IST1: variants seen among roughly 807,000 people sequenced by gnomAD.
The protein encoded by IST1 is IST1 factor associated with ESCRT-III.
A neutral mutation model predicts 37.0 loss-of-function variants in IST1; 23 were observed. The observed-to-expected ratio is 0.62, with a 90% CI of 0.45 to 0.88. IST1 has a LOEUF of 0.88. IST1 is among the 40% of genes least tolerant of loss of function. The pLI is 0.00. For missense variants in IST1, 488 were observed against 445.4 expected, an observed-to-expected ratio of 1.10 and a Z score of -0.86; for synonymous variants, 180 against 161.7, an observed-to-expected ratio of 1.11 and a Z score of -0.86.
rs760894846 is a variant in IST1 at position 71,917,089 on chromosome 16, C to G, written c.312C>G (p.Ile104Met). 2.5e-6 allele frequency: 4 copies of G among 1,612,662 alleles called. No homozygotes were observed. The Admixed American group carries it at 5.0e-5, about 20-fold the overall frequency. Residue 104 changes from isoleucine to methionine, a missense_variant, in exon 4 of 10, where the codon ATC becomes ATG. By Grantham distance (10) the Ile-to-Met change is conservative. Around this residue, in one of 2 missense-constraint regions of IST1, gnomAD observed 455 missense variants for 386.2 expected, o/e 1.18. Transcript: ENST00000378799. Reference protein sequence around the residue: ...SGLAESVSTLIWAAPRLQSEV... With the variant: ...SGLAESVSTLMWAAPRLQSEV... ...TGGCTGAATCTGTGTCTACATTGAT[C>G]TGGGCTGCTCCTCGACTCCAGTCAG...
intron 1 of IST1, among the ~76,000 whole-genome samples, chr16:71,899,250 T>A (rs776512714): frequency 3.9e-5 from 6 of 152,114 alleles, no homozygotes; most frequent in African/African-American, 7.2e-5. Flanking sequence ...AAATACACAG[T>A]GAACTTTGTG....
intron 1 of IST1, among the ~76,000 whole-genome samples, chr16:71,914,816 TTTTAAG>T (rs1226029606): frequency 3.3e-5 from 5 of 152,202 alleles, no homozygotes; most frequent in South Asian, 2.1e-4. Flanking sequence ...TATTACATGT[TTTTAAG>T]TTTGAGTCCA....
Position 71,916,127 on chromosome 16 carries a change from C to T in IST1, c.89-335C>T, listed in dbSNP as rs112565660. ...GATTACAGGCGTGAGCTACCATGCC[C>T]GCCCTGGGATCATATCTTTTAAGCT... On this transcript the variant is annotated intron_variant, in intron 2 of 9. Coordinates refer to ENST00000378799, the MANE Select transcript of IST1 (RefSeq NM_001270975.2). Among the ~76,000 whole-genome samples, 79 of 152,256 alleles carry T rather than the reference C, an allele frequency of 5.2e-4. 1 individual carries two copies. In the East Asian group the frequency reaches 0.013, roughly 24 times the overall value.
chr16:71,921,270 A>G (rs2037575265), intron 5 of IST1, 73 bp from the exon 6 acceptor site: 2 of 878,932 alleles, frequency 2.3e-6, no homozygotes, highest in Non-Finnish European at 3.8e-6. Flanking sequence ...AGAGGAGCTA[A>G]CTTCGCATAG....
rs139635198 is a variant in IST1 at position 71,921,010 on chromosome 16, A to G, written c.441+188A>G. The G allele has an allele frequency of 1.3e-3, 839 of 640,152 alleles. 4 individuals carry two copies. The highest frequency in any genetic ancestry group is 3.0e-3 in the Middle Eastern group (12 of 4,002). The allele number at this position is 640,152 out of a possible 1,614,324, so 39.7% of individuals were successfully genotyped here. A position where few individuals can be genotyped will look rare whatever the true frequency, so the allele number is the denominator to read the frequency against. The stretch of plus-strand genomic sequence containing the variant: ...TTACACCTGCCCAATTCCTCTGGTT[A>G]CTGTCATTCCTGACTCCACTTCCCC... On this transcript the variant is annotated intron_variant, in intron 5 of 9. Transcript: ENST00000378799.
chr16:71,925,758 G>T (rs35203704), intron 9 of IST1, among the ~76,000 whole-genome samples: 1 of 152,030 alleles, frequency 6.6e-6, no homozygotes, highest in African/African-American at 2.4e-5. Flanking sequence ...AGGAGTTTGA[G>T]AACAGCCTGG....
At chr16:71,915,951 C>T (rs148740425) in intron 2 of IST1, among the ~76,000 whole-genome samples, 1 of 152,194 alleles carries the variant, frequency 6.6e-6, no homozygotes, top group East Asian at 1.9e-4. Context: ...GTGCCTCAGC[C>T]TCCCAAGTAG....
intron 1 of IST1, among the ~76,000 whole-genome samples, chr16:71,900,868 G>A (rs2037092865): frequency 6.6e-6 from 1 of 152,148 alleles, no homozygotes; most frequent in Non-Finnish European, 1.5e-5. Flanking sequence ...TTAGCACAGT[G>A]CTTAATAGAA....
At chr16:71,894,771 A>G (rs1303090285), upstream of IST1, 24 of 1,272,020 alleles carry the variant, frequency 1.9e-5, no homozygotes, top group Admixed American at 4.1e-5. Flanking sequence ...CCCGGGCTCA[A>G]GCGATCCTCC....
At chr16:71,895,924 C>T (rs1356864278) in intron 1 of IST1, among the ~76,000 whole-genome samples, 1 of 152,206 alleles carries the variant, frequency 6.6e-6, no homozygotes, top group African/African-American at 2.4e-5. Flanking sequence ...ACGCCGCGGC[C>T]TCGGCGAGGG....
At chr16:71,896,904 A>G (rs8062946) in intron 1 of IST1, among the ~76,000 whole-genome samples, 121,349 of 151,706 alleles carry the variant, frequency 0.8, 48,892 homozygotes, top group East Asian at 0.98. Context: ...GGAGGTGGAG[A>G]TTATAGTGAG....
chr16:71,929,852 T>G lies in IST1; in HGVS notation c.*2039T>G, dbSNP rs1007805553. 5.3e-6 allele frequency: 5 copies of G among 951,252 alleles called. No homozygotes were observed. Among genetic ancestry groups the G allele is most frequent in the Admixed American group, 3.0e-5 (1 of 33,762 alleles). 58.9% of individuals were successfully genotyped at this position (951,252 alleles called of 1,614,324 possible). On this transcript the variant is annotated 3_prime_UTR_variant, in exon 10 of 10. Transcript: ENST00000378799. ...CACTAATGGTTGCGAGCCAACTATT[T>G]ATAGGACAATGGCTATAGAATATTA...
intron 1 of IST1, among the ~76,000 whole-genome samples, chr16:71,904,907 T>G (rs1452035023): frequency 6.6e-6 from 1 of 152,214 alleles, no homozygotes; most frequent in Non-Finnish European, 1.5e-5. Flanking sequence ...ATGTTTGAGT[T>G]TAGGTCTACA....
chr16:71,911,283 T>A (rs540507836), intron 1 of IST1, among the ~76,000 whole-genome samples: 33 of 152,104 alleles, frequency 2.2e-4, no homozygotes, highest in African/African-American at 7.5e-4. Flanking sequence ...GCTCCTCCCT[T>A]TCATTTGTTC....
chr16:71,925,138 G>A (rs1031135572), intron 9 of IST1, among the ~76,000 whole-genome samples: 1 of 148,832 alleles, frequency 6.7e-6, no homozygotes, highest in Non-Finnish European at 1.5e-5. Context: ...TCAGCCTCCT[G>A]AGTAGCTGGG....
intron 1 of IST1, among the ~76,000 whole-genome samples, chr16:71,906,906 T>C (rs933402674): frequency 6.6e-6 from 1 of 152,150 alleles, no homozygotes; most frequent in Non-Finnish European, 1.5e-5. Flanking sequence ...GTCTCATGCC[T>C]GTAGTCCCAG....
In IST1 at chr16:71,917,061, G is replaced by A; in HGVS notation, c.284G>A (p.Gly95Asp). 1 of 1,603,634 alleles carries A rather than the reference G, an allele frequency of 6.2e-7. No homozygotes were observed. Among genetic ancestry groups the A allele is most frequent in the Non-Finnish European group, 8.5e-7 (1 of 1,175,552 alleles). Residue 95 changes from glycine (G) to aspartate (D), a missense_variant, in exon 4 of 10, where the codon GGT becomes GAT. Around this residue, in one of 2 missense-constraint regions of IST1, gnomAD observed 455 missense variants for 386.2 expected, o/e 1.18. Coordinates refer to ENST00000378799, the MANE Select transcript of IST1 (RefSeq NM_001270975.2). ...TCCTTGATTAGGGAACTAGATTCTG[G>A]TCTGGCTGAATCTGTGTCTACATTG... ...LIQSMKELDS[G>D]LAESVSTLIW... is the part of the protein sequence containing the mutation.
chr16:71,920,246 C>G (rs1462961537), intron 4 of IST1, among the ~76,000 whole-genome samples: 2 of 152,240 alleles, frequency 1.3e-5, no homozygotes, highest in South Asian at 4.1e-4. Flanking sequence ...GTGAGCACAT[C>G]TAGCACAGAT....
rs770128541 is a variant in IST1, at chr16:71,921,501, CTTCTTTGGAAAACAAAAAAAACA to C, written c.552+56_552+78del. 6.7e-5 allele frequency: 72 copies of C among 1,081,726 alleles called. No homozygotes were observed. The Admixed American group carries it at 1.5e-3, about 23-fold the overall frequency. The allele number at this position is 1,081,726 out of a possible 1,614,324, so 67.0% of individuals were successfully genotyped here. A position where few individuals can be genotyped will look rare whatever the true frequency, so the allele number is the denominator to read the frequency against. On this transcript the variant is annotated intron_variant, in intron 6 of 9. Coordinates refer to ENST00000378799, the MANE Select transcript of IST1 (RefSeq NM_001270975.2). ...AGAAAAATGAGTTTGTAGGTATGAC[CTTCTTTGGAAAACAAAAAAAACA>C]TTCTTTGCACTAACTTAAATTTGTG...
Sources: allele counts gnomAD v4.1 joint callset (sites outside exome capture counted in the v4.1 genomes callset), GRCh38; gene constraint gnomAD v4.1.1; regional missense constraint gnomAD v4.1.1; transcripts MANE v1.5; gene names NCBI Gene and HGNC (gene_info 2026-07-23, HGNC 2026-07-21).